The following LYPLA1 variants were observed in gnomAD, a reference collection of about 807,000 sequenced individuals.
LYPLA1 encodes acyl-protein thioesterase 1.
In LYPLA1, 17 loss-of-function variants were observed where a neutral mutation model predicts 34.0. That is an observed-to-expected ratio of 0.50 (90% CI 0.34 to 0.75). The LOEUF (loss-of-function observed/expected upper bound fraction) is 0.75. Among genes scored for constraint, LYPLA1 ranks in the 30% least tolerant of loss-of-function variants. The probability of loss-of-function intolerance (pLI) is 0.01; values close to 1 mark genes in which losing one functional copy is unlikely to be tolerated. For synonymous variants in LYPLA1, 98 were observed against 100.8 expected (o/e 0.97, Z 0.17); for missense variants, 203 against 288.8 (o/e 0.70, Z 2.15).
rs371593707 is a variant in LYPLA1 at position 54,052,809 on chromosome 8, A to G, written c.361-53T>C. 552 of 1,089,374 alleles carry G rather than the reference A, an allele frequency of 5.1e-4. 14 individuals carry two copies. The South Asian group carries it at 7.0e-3, about 14-fold the overall frequency. The allele number at this position is 1,089,374 out of a possible 1,614,324, so 67.5% of individuals were successfully genotyped here. A position where few individuals can be genotyped will look rare whatever the true frequency, so the allele number is the denominator to read the frequency against. On this transcript the variant is annotated intron_variant, in intron 6 of 8. Coordinates refer to ENST00000316963, the MANE Select transcript of LYPLA1 (RefSeq NM_006330.4). ...GGAACACACATGCTTGCCCACAGCA[A>G]TTTAGGGAATATCTTGTTACTAATG...
At chr8:54,062,180 T>C (rs566266694) in intron 5 of LYPLA1, 74 bp downstream of exon 5, 6 of 1,063,198 alleles carry the variant, frequency 5.6e-6, no homozygotes, top group Admixed American at 2.0e-5. Flanking sequence ...TTTTAACCAG[T>C]AGCGATATGA....
At chr8:54,073,412 G>A (rs2129342786) in intron 2 of LYPLA1, 2 of 776,060 alleles carry the variant, frequency 2.6e-6, no homozygotes. Context: ...TGCTGGCACG[G>A]CCAGCTCCGC....
At chr8:54,098,204 C>T (rs1357177486) in intron 2 of LYPLA1, among the ~76,000 whole-genome samples, 1 of 151,502 alleles carries the variant, frequency 6.6e-6, no homozygotes, top group African/African-American at 2.4e-5. Context: ...GCCTGGGTGA[C>T]AGAGCAAGAC....
chr8:54,089,857 GA>G (rs543946403), intron 2 of LYPLA1, among the ~76,000 whole-genome samples: 225 of 152,256 alleles, frequency 1.5e-3, no homozygotes, highest in African/African-American at 4.1e-3. Flanking sequence ...ATCTTACCTT[GA>G]ATTGTAATAA....
intron 2 of LYPLA1, among the ~76,000 whole-genome samples, chr8:54,094,225 G>C (rs976064855): frequency 6.6e-6 from 1 of 152,128 alleles, no homozygotes; most frequent in Non-Finnish European, 1.5e-5. Flanking sequence ...GGAATACATC[G>C]GGGCTGGGGA....
At chr8:54,065,168 G>A (rs1806958615) in intron 3 of LYPLA1, among the ~76,000 whole-genome samples, 1 of 152,136 alleles carries the variant, frequency 6.6e-6, no homozygotes, top group South Asian at 2.1e-4. Context: ...ATACCCTAGG[G>A]ATATCCTAGA....
chr8:54,079,775 A>G (rs1165957941), intron 2 of LYPLA1, among the ~76,000 whole-genome samples: 1 of 152,146 alleles, frequency 6.6e-6, no homozygotes, highest in Non-Finnish European at 1.5e-5. Flanking sequence ...AGCCTGGGCA[A>G]CAGACTGAGA....
chr8:54,085,122 T>A (rs1376607309), intron 2 of LYPLA1, among the ~76,000 whole-genome samples: 1 of 152,248 alleles, frequency 6.6e-6, no homozygotes, highest in East Asian at 1.9e-4. Context: ...TGCCTCAGCC[T>A]GCCGAAGGCG....
At chr8:54,083,650 T>C (rs1282760055) in intron 2 of LYPLA1, among the ~76,000 whole-genome samples, 1 of 152,246 alleles carries the variant, frequency 6.6e-6, no homozygotes, top group Non-Finnish European at 1.5e-5. Context: ...CAAAAGGATG[T>C]GGTTCTGTTC....
intron 2 of LYPLA1, among the ~76,000 whole-genome samples, chr8:54,067,014 C>T (rs544261775): frequency 6.6e-6 from 1 of 151,726 alleles, no homozygotes; most frequent in Non-Finnish European, 1.5e-5. Flanking sequence ...ACTAAAAATA[C>T]AAAAACTAGC....
At chr8:54,081,508 C>G (rs970625453) in intron 2 of LYPLA1, among the ~76,000 whole-genome samples, 20 of 151,858 alleles carry the variant, frequency 1.3e-4, no homozygotes, top group Non-Finnish European at 1.5e-4. Flanking sequence ...TGGAGTGCAG[C>G]CTGTAATCTC....
In LYPLA1 at chr8:54,052,769, G is replaced by A. The variant is rs1222684501; in HGVS notation, c.361-13C>T. On this transcript the variant is annotated splice_polypyrimidine_tract_variant and intron_variant, in intron 6 of 8. Transcript: ENST00000316963. ...ATAAAGCTCCTCCCTGAAAAGACAAGCAGGGAAAGTCAATGGAACACACAT... is the reference window on the plus strand; with the variant it reads ...ATAAAGCTCCTCCCTGAAAAGACAAACAGGGAAAGTCAATGGAACACACAT... The A allele has an allele frequency of 7.8e-6, 12 of 1,545,516 alleles. No individual in the cohort carries two copies. The highest frequency in any genetic ancestry group is 1.1e-5 in the Non-Finnish European group (12 of 1,118,616).
At chr8:54,075,919 T>C (rs910995697) in intron 2 of LYPLA1, among the ~76,000 whole-genome samples, 4 of 152,128 alleles carry the variant, frequency 2.6e-5, no homozygotes, top group African/African-American at 9.7e-5. Flanking sequence ...TATGGAATCA[T>C]TATTGATTGG....
chr8:54,082,296 C>T (rs188882874), intron 2 of LYPLA1, among the ~76,000 whole-genome samples: 244 of 152,266 alleles, frequency 1.6e-3, no homozygotes, highest in African/African-American at 5.5e-3. Context: ...ACAACGCACA[C>T]GCACATACAT....
intron 5 of LYPLA1, among the ~76,000 whole-genome samples, chr8:54,060,217 C>T (rs1806499988): frequency 6.6e-6 from 1 of 152,084 alleles, no homozygotes; most frequent in Non-Finnish European, 1.5e-5. Context: ...CCTCTGCCTC[C>T]CAGGTTCAAA....
intron 2 of LYPLA1, among the ~76,000 whole-genome samples, chr8:54,071,485 A>G (rs567643805): frequency 6.6e-6 from 1 of 152,310 alleles, no homozygotes; most frequent in African/African-American, 2.4e-5. Context: ...ATATATATAC[A>G]GGGTGGGGGC....
chr8:54,087,628 G>A (rs1808904260), intron 2 of LYPLA1, among the ~76,000 whole-genome samples: 1 of 152,248 alleles, frequency 6.6e-6, no homozygotes, highest in Non-Finnish European at 1.5e-5. Flanking sequence ...TCTGATAGGA[G>A]TCTAGTGTCC....
chr8:54,078,140 C>T (rs1007437186), intron 2 of LYPLA1, among the ~76,000 whole-genome samples: 19 of 151,862 alleles, frequency 1.3e-4, no homozygotes, highest in South Asian at 4.2e-4. Context: ...TTAGTAGAGA[C>T]GGGGTTTTGC....
chr8:54,067,619 A>T (rs183117487), intron 2 of LYPLA1, among the ~76,000 whole-genome samples: 1 of 152,034 alleles, frequency 6.6e-6, no homozygotes, highest in Non-Finnish European at 1.5e-5. Flanking sequence ...TGCTTTTTAC[A>T]TATTATCTCT....
Sources: allele counts gnomAD v4.1 joint callset (sites outside exome capture counted in the v4.1 genomes callset), GRCh38; gene constraint gnomAD v4.1.1; transcripts MANE v1.5; gene names NCBI Gene and HGNC (gene_info 2026-07-23, HGNC 2026-07-21).